Variants in MYO18A observed in about 807,000 individuals in gnomAD.
MYO18A encodes the protein myosin XVIIIA.
In MYO18A, 78 loss-of-function variants were observed where a neutral mutation model predicts 235.8. The observed-to-expected ratio is 0.33, with a 90% CI of 0.28 to 0.40. The LOEUF is 0.40. MYO18A is among the 10% of genes least tolerant of loss of function. MYO18A has a pLI of 1.00. For synonymous variants in MYO18A, 977 were observed against 1,077.8 expected (o/e 0.91, Z 1.83); for missense variants, 2,215 against 2,699.3 (o/e 0.82, Z 3.98).
chr17:29,130,821 C>A (rs530770846), intron 2 of MYO18A, among the ~76,000 whole-genome samples: 1 of 152,102 alleles, frequency 6.6e-6, no homozygotes, highest in Non-Finnish European at 1.5e-5. Context: ...GGTCTCTATC[C>A]CAATGCGCTG....
At position 29,131,352 on chromosome 17, in the gene MYO18A, C is replaced by A. The variant is rs1410367455; in HGVS notation, c.1000-9099G>T. 6.1e-6 allele frequency: 6 copies of A among 982,880 alleles called. No individual in the cohort carries two copies. The African/African-American group carries it at 1.0e-4, about 17-fold the overall frequency. The allele number at this position is 982,880 out of a possible 1,614,324, so 60.9% of individuals were successfully genotyped here. On this transcript the variant is annotated intron_variant, in intron 2 of 41. Transcript: ENST00000527372. The stretch of plus-strand genomic sequence containing the variant: ...ACACACATGCCCGCACACACACACG[C>A]ATGCCTCGGAGAACTCAAGGATGCA...
In MYO18A at chr17:29,074,673, G is replaced by C. The variant is rs1272242478; in HGVS notation, c.*97C>G. 1.5e-6 allele frequency: 2 copies of C among 1,371,414 alleles called. No individual in the cohort carries two copies. The highest frequency in any genetic ancestry group is 2.1e-6 in the Non-Finnish European group (2 of 972,090). 85.0% of individuals were successfully genotyped at this position (1,371,414 alleles called of 1,614,324 possible). ...AGGGTGTTTCCCATGCAGATCAGCA[G>C]TCGGGTGGGGGAGACCGGTGCCCCA... On this transcript the variant is annotated 3_prime_UTR_variant, in exon 42 of 42. Coordinates refer to ENST00000527372, the MANE Select transcript of MYO18A (RefSeq NM_078471.4). The surrounding 1 kb of genome is among the most constrained non-coding windows in gnomAD (Gnocchi z 4.4).
intron 2 of MYO18A, among the ~76,000 whole-genome samples, chr17:29,147,017 G>A (rs1445407037): frequency 6.6e-6 from 1 of 152,216 alleles, no homozygotes; most frequent in Non-Finnish European, 1.5e-5. Context: ...GTAATGAGAA[G>A]GGGAATTGTG....
chr17:29,103,966 T>C (rs2066719246), intron 20 of MYO18A, among the ~76,000 whole-genome samples: 2 of 152,028 alleles, frequency 1.3e-5, no homozygotes, highest in Admixed American at 6.5e-5. Flanking sequence ...ATGATACAAG[T>C]GAGAATTTGT....
At chr17:29,157,320 G>C (rs2068083813) in intron 2 of MYO18A, among the ~76,000 whole-genome samples, 1 of 152,156 alleles carries the variant, frequency 6.6e-6, no homozygotes, top group Non-Finnish European at 1.5e-5. Context: ...GAGAGCAATG[G>C]TCACACCCTT....
rs1399031927 is a variant in MYO18A at position 29,166,844 on chromosome 17, G to A, written c.97C>T (p.Leu33Phe). Residue 33 changes from leucine (L) to phenylalanine (F), a missense_variant, in exon 2 of 42, where the codon CTT becomes TTT. Coordinates refer to ENST00000527372, the MANE Select transcript of MYO18A (RefSeq NM_078471.4). The part of the protein sequence containing the change: ...EKKERMSAAE[L>F]RSLEEMSLRR... ...AGGCTCATCTCCTCCAGGCTCCGAAGCTCTGCCGCTGACATCCGCTCCTTT... is the reference window on the plus strand; with the variant it reads ...AGGCTCATCTCCTCCAGGCTCCGAAACTCTGCCGCTGACATCCGCTCCTTT... 6.3e-7 allele frequency: 1 copy of A among 1,577,198 alleles called. No homozygotes were observed. The highest frequency in any genetic ancestry group is 8.6e-7 in the Non-Finnish European group (1 of 1,162,154).
In MYO18A at chr17:29,114,556, C is replaced by T. The variant is rs148499548; in HGVS notation, c.2511+351G>A. On this transcript the variant is annotated intron_variant, in intron 14 of 41. Coordinates refer to ENST00000527372, the MANE Select transcript of MYO18A (RefSeq NM_078471.4). ...AAGGCACTAAATCATCACCTGGCAC[C>T]CTCACAGATCAGGGAAGGGAGACGG... Among the ~76,000 whole-genome samples the T allele has an allele frequency of 2.1e-3, 325 of 152,298 alleles. 5 individuals carry two copies. The South Asian group carries it at 0.022, about 10-fold the overall frequency.
intron 1 of MYO18A, among the ~76,000 whole-genome samples, chr17:29,177,448 G>A (rs1307118605): frequency 6.6e-6 from 1 of 152,124 alleles, no homozygotes; most frequent in Non-Finnish European, 1.5e-5. Context: ...AAGAAGGGCA[G>A]GGAAGTGAAG....
rs2066932379 is a variant in MYO18A, at chr17:29,111,684, A to G, written c.2740+38T>C. ...CCACCTGGACCCACCTGTATGTAAG[A>G]GGAAGCAGAGGAGCTACCCTCTAGG... On this transcript the variant is annotated intron_variant, in intron 16 of 41. Coordinates refer to ENST00000527372, the MANE Select transcript of MYO18A (RefSeq NM_078471.4). The surrounding 1 kb of genome is among the most constrained non-coding windows in gnomAD (Gnocchi z 5.1). 1 of 1,612,482 alleles carries G rather than the reference A, an allele frequency of 6.2e-7. No individual in the cohort carries two copies. Among genetic ancestry groups the G allele is most frequent in the African/African-American group, 1.3e-5 (1 of 74,820 alleles).
rs376439811 is a variant in MYO18A at position 29,080,691 on chromosome 17, C to T, written c.6020+1625G>A. On this transcript the variant is annotated intron_variant, in intron 41 of 41. Coordinates refer to ENST00000527372, the MANE Select transcript of MYO18A (RefSeq NM_078471.4). ...TGACCGGTGCAGAGACGGTGGAGGC[C>T]GGGCTGAAGTCGGAGCCCCACCGCT... is the stretch of plus-strand genomic sequence containing the variant. 3.6e-5 allele frequency: 35 copies of T among 985,418 alleles called. No individual in the cohort carries two copies. The Admixed American group carries it at 8.0e-4, about 22-fold the overall frequency. 61.0% of individuals were successfully genotyped at this position (985,418 alleles called of 1,614,324 possible). A position where few individuals can be genotyped will look rare whatever the true frequency, so the allele number is the denominator to read the frequency against.
At chr17:29,076,780 C>T (rs1021950291) in intron 41 of MYO18A, 2 of 152,202 alleles carry the variant, frequency 1.3e-5, no homozygotes, top group Non-Finnish European at 2.9e-5. Context: ...CATAGAATTT[C>T]TGGGCACTCA....
chr17:29,172,470 A>C (rs1286120546), intron 1 of MYO18A, among the ~76,000 whole-genome samples: 2 of 152,056 alleles, frequency 1.3e-5, no homozygotes, highest in African/African-American at 4.8e-5. Context: ...GTCTAAAAAA[A>C]AAAAAATTAA....
intron 2 of MYO18A, among the ~76,000 whole-genome samples, chr17:29,142,007 T>G (rs553162839): frequency 1.3e-5 from 2 of 152,104 alleles, no homozygotes; most frequent in Non-Finnish European, 2.9e-5. Context: ...TGCAGTGGCG[T>G]GATCTCGGCT....
intron 1 of MYO18A, among the ~76,000 whole-genome samples, chr17:29,176,213 T>C (rs2068522998): frequency 6.6e-6 from 1 of 152,154 alleles, no homozygotes; most frequent in African/African-American, 2.4e-5. Flanking sequence ...GACAAACTAG[T>C]AGGCAATCCA....
chr17:29,116,179 G>C (rs1272595760), intron 11 of MYO18A, among the ~76,000 whole-genome samples: 1 of 152,230 alleles, frequency 6.6e-6, no homozygotes, highest in Non-Finnish European at 1.5e-5. Context: ...AGCCCACCTG[G>C]GATGGGCACA....
At chr17:29,164,004 C>G (rs2068228479) in intron 2 of MYO18A, among the ~76,000 whole-genome samples, 1 of 152,248 alleles carries the variant, frequency 6.6e-6, no homozygotes, top group Non-Finnish European at 1.5e-5. Context: ...ATTCTCCTGC[C>G]TCAGCCTCCT....
In MYO18A at chr17:29,118,034, C is replaced by A. The variant is rs1298005508; in HGVS notation, c.2038+11G>T. 1 of 1,572,784 alleles carries A rather than the reference C, an allele frequency of 6.4e-7. No homozygotes were observed. The highest frequency in any genetic ancestry group is 1.2e-5 in the South Asian group (1 of 85,552). On this transcript the variant is annotated intron_variant, in intron 10 of 41. Transcript: ENST00000527372. This position sits in a 1 kb window ranked among gnomAD's most constrained non-coding sequence, Gnocchi z 4.2. ...GGACAGGCCAGCCTACTGGGACCCA[C>A]TGCAGGTTACCTTTGGTGGCTCCCG...
rs370889973 is a variant in MYO18A, at chr17:29,118,447, G to A, written c.1830-7C>T. The stretch of plus-strand genomic sequence containing the variant: ...GTTGAGGTGGAGCTCTGTCCTAGGG[G>A]TACAAATAAGGCATCAGCACGGCAC... On this transcript the variant is annotated splice_region_variant and splice_polypyrimidine_tract_variant and intron_variant, in intron 8 of 41. Coordinates refer to ENST00000527372, the MANE Select transcript of MYO18A (RefSeq NM_078471.4). This position sits in a 1 kb window ranked among gnomAD's most constrained non-coding sequence, Gnocchi z 4.2. 95 of 1,596,286 alleles carry A rather than the reference G, an allele frequency of 6.0e-5. 1 individual carries two copies. The East Asian group carries it at 1.4e-3, about 24-fold the overall frequency.
Position 29,125,835 on chromosome 17 carries a change from G to T in MYO18A, c.1000-3582C>A. ...CTACAGACACACACAGGGTCCTGCC[G>T]CCAGCCTCAGGAAGAGGGCGGCCAG... On this transcript the variant is annotated intron_variant, in intron 2 of 41. Transcript: ENST00000527372. This position sits in a 1 kb window ranked among gnomAD's most constrained non-coding sequence, Gnocchi z 5.1. 1.1e-6 allele frequency: 1 copy of T among 925,676 alleles called. No individual in the cohort carries two copies. Among genetic ancestry groups the T allele is most frequent in the Non-Finnish European group, 1.3e-6 (1 of 774,718 alleles). The allele number at this position is 925,676 out of a possible 1,614,324, so 57.3% of individuals were successfully genotyped here.
Sources: allele counts gnomAD v4.1 joint callset (sites outside exome capture counted in the v4.1 genomes callset), GRCh38; gene constraint gnomAD v4.1.1; non-coding constraint Gnocchi (gnomAD v3.1); transcripts MANE v1.5; gene names NCBI Gene and HGNC (gene_info 2026-07-23, HGNC 2026-07-21).